SLC24A2: variants seen among roughly 807,000 people sequenced by gnomAD.
SLC24A2 encodes sodium/potassium/calcium exchanger 2.
SLC24A2 carries 36 observed loss-of-function variants against 62.0 expected under a neutral mutation model. The ratio of observed to expected loss-of-function variants is 0.58; its 90% CI spans 0.44 to 0.77. SLC24A2 has a LOEUF of 0.77. Ranked by LOEUF, SLC24A2 falls within the 30% of genes least tolerant of loss-of-function variation. The pLI, the probability that SLC24A2 is intolerant of heterozygous loss-of-function variation, is 0.00. For synonymous variants in SLC24A2, 358 were observed against 294.0 expected (o/e 1.22, Z -2.23); for missense variants, 846 against 817.9 (o/e 1.03, Z -0.42).
chr9:20,245,752 C>A, the SLC24A2 span, among the ~76,000 whole-genome samples: 1 of 152,170 alleles, frequency 6.6e-6, no homozygotes, highest in Admixed American at 6.5e-5. Context: ...GTAAACTTAA[C>A]AACAAAGTTT....
chr9:20,278,379 T>C, the SLC24A2 span, among the ~76,000 whole-genome samples: 51 of 152,206 alleles, frequency 3.4e-4, no homozygotes, highest in Admixed American at 3.3e-3. Flanking sequence ...TCAATAAAAC[T>C]GAATGCTTTT....
At chr9:20,010,916 A>G in the SLC24A2 span, among the ~76,000 whole-genome samples, 2 of 151,912 alleles carry the variant, frequency 1.3e-5, no homozygotes, top group African/African-American at 4.8e-5. Context: ...AGCTTCATCC[A>G]TGTCCCTACA....
chr9:19,608,691 C>T (rs1394137589), intron 4 of SLC24A2, among the ~76,000 whole-genome samples: 1 of 152,018 alleles, frequency 6.6e-6, no homozygotes, highest in East Asian at 1.9e-4. Context: ...AGAGTGGGTA[C>T]TACAAAAGTT....
intron 2 of SLC24A2, among the ~76,000 whole-genome samples, chr9:19,687,368 T>A (rs1383289508): frequency 6.6e-6 from 1 of 152,134 alleles, no homozygotes; most frequent in Non-Finnish European, 1.5e-5. Context: ...GTGTACATAG[T>A]CCTCAAGTTA....
chr9:19,911,251 C>T, the SLC24A2 span, among the ~76,000 whole-genome samples: 13 of 152,036 alleles, frequency 8.6e-5, no homozygotes, highest in Non-Finnish European at 7.4e-5. Context: ...ATGAACTCAT[C>T]GTTTTTTATG....
the SLC24A2 span, among the ~76,000 whole-genome samples, chr9:19,878,204 C>T: frequency 2.0e-5 from 3 of 152,056 alleles, no homozygotes; most frequent in East Asian, 1.9e-4. Context: ...AGAATTTAGG[C>T]GGCTGCAGTT....
chr9:20,110,468 T>TTC, the SLC24A2 span, among the ~76,000 whole-genome samples: 2 of 151,424 alleles, frequency 1.3e-5, no homozygotes, highest in Non-Finnish European at 2.9e-5. Context: ...CTTTTTTTTT[T>TTC]CACTCTTACA....
At chr9:19,725,938 G>T (rs1821156286) in intron 2 of SLC24A2, among the ~76,000 whole-genome samples, 1 of 152,104 alleles carries the variant, frequency 6.6e-6, no homozygotes, top group African/African-American at 2.4e-5. Flanking sequence ...CTCTGCCCTG[G>T]TCCTTTTATA....
chr9:20,307,011 A>C, the SLC24A2 span, among the ~76,000 whole-genome samples: 1 of 152,168 alleles, frequency 6.6e-6, no homozygotes, highest in East Asian at 1.9e-4. Flanking sequence ...ACTCATCTTC[A>C]TATCACCCTC....
intron 7 of SLC24A2, among the ~76,000 whole-genome samples, chr9:19,571,533 T>G (rs1332166518): frequency 2.2e-4 from 34 of 152,186 alleles, no homozygotes; most frequent in Non-Finnish European, 1.6e-4. Flanking sequence ...TTTAGGGTAG[T>G]GCTACTCCAA....
At chr9:20,169,845 C>A in the SLC24A2 span, among the ~76,000 whole-genome samples, 1 of 151,756 alleles carries the variant, frequency 6.6e-6, no homozygotes, top group Non-Finnish European at 1.5e-5. Context: ...CCCTGATTTA[C>A]CTGAAAAAAG....
chr9:19,833,277 G>A, the SLC24A2 span, among the ~76,000 whole-genome samples: 2 of 152,130 alleles, frequency 1.3e-5, no homozygotes, highest in South Asian at 2.1e-4. Context: ...GCAGGGTGAG[G>A]CATTACCTCA....
At chr9:19,774,596 G>A (rs984618556) in intron 2 of SLC24A2, among the ~76,000 whole-genome samples, 1 of 152,184 alleles carries the variant, frequency 6.6e-6, no homozygotes, top group African/African-American at 2.4e-5. Context: ...ACAGATGACA[G>A]TTTATAAGTG....
chr9:20,212,253 T>A, the SLC24A2 span, among the ~76,000 whole-genome samples: 1 of 151,804 alleles, frequency 6.6e-6, no homozygotes, highest in Non-Finnish European at 1.5e-5. Context: ...GTTCAATTTA[T>A]AACAAAGATG....
the SLC24A2 span, among the ~76,000 whole-genome samples, chr9:19,835,008 T>C: frequency 3.3e-5 from 5 of 152,206 alleles, no homozygotes; most frequent in Admixed American, 3.3e-4. Flanking sequence ...TAAAATACTT[T>C]ACAGACAAGC....
At chr9:20,180,409 A>G in the SLC24A2 span, among the ~76,000 whole-genome samples, 19 of 152,268 alleles carry the variant, frequency 1.2e-4, no homozygotes, top group Admixed American at 1.2e-3. Context: ...CGTCTTTGTA[A>G]TAAACTCATA....
chr9:19,686,414 C>T (rs1819881987), intron 2 of SLC24A2, among the ~76,000 whole-genome samples: 1 of 151,952 alleles, frequency 6.6e-6, no homozygotes, highest in African/African-American at 2.4e-5. Context: ...TGGCTATATA[C>T]CTAAAGTAAT....
chr9:20,114,183 C>T, the SLC24A2 span, among the ~76,000 whole-genome samples: 1 of 152,102 alleles, frequency 6.6e-6, no homozygotes, highest in African/African-American at 2.4e-5. Context: ...ACCCCCATTT[C>T]CACTCCCAAA....
chr9:20,220,759 C>T, the SLC24A2 span, among the ~76,000 whole-genome samples: 3 of 152,218 alleles, frequency 2.0e-5, no homozygotes, highest in South Asian at 6.2e-4. Context: ...TGCTAAGATC[C>T]AGGATGGAGT....
Sources: allele counts gnomAD v4.1 joint callset (sites outside exome capture counted in the v4.1 genomes callset), GRCh38; gene constraint gnomAD v4.1.1; transcripts MANE v1.5; gene names NCBI Gene and HGNC (gene_info 2026-07-23, HGNC 2026-07-21).